Variants in LMNA observed in about 807,000 individuals in gnomAD.
LMNA encodes the protein lamin.
In LMNA, 20 loss-of-function variants were observed where a neutral mutation model predicts 70.4. The ratio of observed to expected loss-of-function variants is 0.28; its 90% CI spans 0.20 to 0.41. LMNA has a LOEUF of 0.41. Among genes scored for constraint, LMNA ranks in the 10% least tolerant of loss-of-function variants. LMNA has a pLI of 1.00. For missense variants in LMNA, 652 were observed against 917.2 expected, an observed-to-expected ratio of 0.71 and a Z score of 3.73; for synonymous variants, 339 against 372.8, an observed-to-expected ratio of 0.91 and a Z score of 1.04.
Position 156,137,058 on chromosome 1 carries a change from G to A in LMNA, c.1488+30G>A. 1.2e-6 allele frequency: 2 copies of A among 1,614,176 alleles called. No individual in the cohort carries two copies. Among genetic ancestry groups the A allele is most frequent in the Non-Finnish European group, 1.7e-6 (2 of 1,180,020 alleles). ...GTGGCAGGGCGCTTGGGACTCTGGG[G>A]AGGCCTTGGGTGGCGATGGGAGCGC... On this transcript the variant is annotated intron_variant, in intron 8 of 11. Coordinates refer to ENST00000368300, the MANE Select transcript of LMNA (RefSeq NM_170707.4). The surrounding 1 kb of genome is among the most constrained non-coding windows in gnomAD (Gnocchi z 4.6).
intron 2 of LMNA, among the ~76,000 whole-genome samples, chr1:156,086,225 T>C (rs1441967531): frequency 6.6e-6 from 1 of 152,264 alleles, no homozygotes. Flanking sequence ...CCACTTCCTA[T>C]TGAGCTCCTG....
chr1:156,094,679 C>T (rs1315789887), intron 3 of LMNA, among the ~76,000 whole-genome samples: 3 of 152,082 alleles, frequency 2.0e-5, no homozygotes, highest in Non-Finnish European at 4.4e-5. Flanking sequence ...GAGAGGCCTT[C>T]CTGACCATGC....
chr1:156,101,749 G>A (rs1649152280), intron 3 of LMNA, among the ~76,000 whole-genome samples: 1 of 152,166 alleles, frequency 6.6e-6, no homozygotes, highest in Non-Finnish European at 1.5e-5. Context: ...TGGTTGTGAG[G>A]CCGCTGCAGT....
intron 3 of LMNA, among the ~76,000 whole-genome samples, chr1:156,095,521 TC>T (rs1261386321): frequency 5.3e-5 from 8 of 151,368 alleles, no homozygotes; most frequent in African/African-American, 1.7e-4. Context: ...TTTTTTTTTT[TC>T]TTTTTTGTAT....
intron 3 of LMNA, among the ~76,000 whole-genome samples, chr1:156,094,726 A>G (rs2102793172): frequency 6.6e-6 from 1 of 151,468 alleles, no homozygotes; most frequent in East Asian, 2.0e-4. Flanking sequence ...CTGCTGTGGC[A>G]CTCAGTATTT....
upstream of LMNA, among the ~76,000 whole-genome samples, chr1:156,112,582 GAGA>G (rs964587509): frequency 6.6e-5 from 10 of 152,210 alleles, no homozygotes; most frequent in African/African-American, 2.4e-4. Context: ...TTCTGGTGTG[GAGA>G]AGAACAAGAC....
Position 156,107,357 on chromosome 1 carries a change from G to A in LMNA, c.-206-7356G>A, listed in dbSNP as rs568053593. Among the ~76,000 whole-genome samples the A allele has an allele frequency of 2.0e-5, 3 of 152,330 alleles. No individual in the cohort carries two copies. In the East Asian group the frequency reaches 5.8e-4, roughly 29 times the overall value. On this transcript the variant is annotated intron_variant, in intron 3 of 12. Coordinates refer to the LMNA transcript ENST00000368301. ...GACATCTGTCCAGTGTGGCTGCCCT[G>A]TCTCCCATGGCAGCGTGGCACTGAG...
chr1:156,102,076 C>T (rs1649163358), intron 3 of LMNA, among the ~76,000 whole-genome samples: 1 of 152,234 alleles, frequency 6.6e-6, no homozygotes. Flanking sequence ...CAGGCCCTCG[C>T]CTTCCCTAGT....
chr1:156,114,972 C>T lies in LMNA; in HGVS notation c.54C>T (p.Ser18=), dbSNP rs1572331870. Residue 18 remains serine (S), a synonymous_variant, in exon 1 of 12, where the codon TCC becomes TCT. Coordinates refer to ENST00000368300, the MANE Select transcript of LMNA (RefSeq NM_170707.4). The part of the protein sequence containing the change: ...RATRSGAQAS[S]TPLSPTRITR... ...CCCGCAGCGGGGCGCAGGCCAGCTC[C>T]ACTCCGCTGTCGCCCACCCGCATCA... 6.3e-7 allele frequency: 1 copy of T among 1,591,686 alleles called. No homozygotes were observed. Among genetic ancestry groups the T allele is most frequent in the Non-Finnish European group, 8.6e-7 (1 of 1,169,584 alleles).
chr1:156,132,218 C>T (rs1451829280), intron 2 of LMNA, among the ~76,000 whole-genome samples: 4 of 152,040 alleles, frequency 2.6e-5, no homozygotes, highest in Non-Finnish European at 4.4e-5. Flanking sequence ...GCCTGTAATC[C>T]TAGCACTTTG....
At chr1:156,092,576 G>A (rs1648750160) in intron 3 of LMNA, among the ~76,000 whole-genome samples, 1 of 151,794 alleles carries the variant, frequency 6.6e-6, no homozygotes, top group Non-Finnish European at 1.5e-5. Context: ...CTACTTGGGA[G>A]GCTGAGGCAG....
chr1:156,102,385 G>C (rs1649172937), intron 3 of LMNA, among the ~76,000 whole-genome samples: 1 of 152,176 alleles, frequency 6.6e-6, no homozygotes, highest in South Asian at 2.1e-4. Flanking sequence ...CAGACACCCA[G>C]GCAGGGCAAG....
chr1:156,121,125 C>T (rs1193409318), intron 1 of LMNA, among the ~76,000 whole-genome samples: 3 of 143,450 alleles, frequency 2.1e-5, no homozygotes, highest in Non-Finnish European at 4.5e-5. Flanking sequence ...TCTTGGCTTA[C>T]TGCAATCTCC....
At chr1:156,095,344 A>T (rs1648895234) in intron 3 of LMNA, among the ~76,000 whole-genome samples, 1 of 152,176 alleles carries the variant, frequency 6.6e-6, no homozygotes, top group African/African-American at 2.4e-5. Flanking sequence ...TTCAATAAAA[A>T]TTTATTGAGT....
Position 156,136,180 on chromosome 1 carries a change from T to C in LMNA, c.1158-34T>C. The C allele has an allele frequency of 6.2e-7, 1 of 1,612,798 alleles. No individual in the cohort carries two copies. The highest frequency in any genetic ancestry group is 8.5e-7 in the Non-Finnish European group (1 of 1,179,482). On this transcript the variant is annotated intron_variant, in intron 6 of 11. Coordinates refer to ENST00000368300, the MANE Select transcript of LMNA (RefSeq NM_170707.4). This position sits in a 1 kb window ranked among gnomAD's most constrained non-coding sequence, Gnocchi z 6.1. ...GTGTCCTCTGGCCGGCAACTGGCCT[T>C]GACTAGACCCCCACTTGGTCTCCCT...
intron 3 of LMNA, among the ~76,000 whole-genome samples, chr1:156,095,956 G>A (rs1356249570): frequency 6.6e-6 from 1 of 152,188 alleles, no homozygotes; most frequent in Non-Finnish European, 1.5e-5. Flanking sequence ...ACTCAGACCT[G>A]AGCAGAGGCG....
At chr1:156,109,818 G>GTGTGTGTGTGTGTATA (rs1553261281), upstream of LMNA, 23 of 131,768 alleles carry the variant, frequency 1.7e-4, no homozygotes, top group East Asian at 6.4e-4. Flanking sequence ...GTGTGTGTGT[G>GTGTGTGTGTGTGTATA]CATATATATA....
At position 156,137,626 on chromosome 1, in the gene LMNA, C is replaced by G; in HGVS notation, c.1609-28C>G. 1 of 1,547,854 alleles carries G rather than the reference C, an allele frequency of 6.5e-7. No individual in the cohort carries two copies. The highest frequency in any genetic ancestry group is 8.7e-7 in the Non-Finnish European group (1 of 1,143,820). On this transcript the variant is annotated intron_variant, in intron 9 of 11. Transcript: ENST00000368300. This position sits in a 1 kb window ranked among gnomAD's most constrained non-coding sequence, Gnocchi z 4.6. ...GTACAACCCTTCCCTGGCCCTGACC[C>G]TTGGACCTGGTTCCATGTCCCCACC...
At chr1:156,116,943 T>C (rs1219603063) in intron 1 of LMNA, among the ~76,000 whole-genome samples, 1 of 151,584 alleles carries the variant, frequency 6.6e-6, no homozygotes, top group Non-Finnish European at 1.5e-5. Flanking sequence ...AGACAGGGTC[T>C]TACTCTGTCA....
Sources: gnomAD v4.1 joint callset for allele counts (sites outside exome capture counted in the v4.1 genomes callset) on GRCh38, gnomAD v4.1.1 for gene constraint, Gnocchi (gnomAD v3.1) non-coding constraint, MANE v1.5 for transcripts, NCBI Gene and HGNC (gene_info 2026-07-23, HGNC 2026-07-21) for gene names.